Variants in BBX observed in about 807,000 individuals in gnomAD.
The protein encoded by BBX is HMG box transcription factor BBX.
Under a neutral mutation model 100.2 loss-of-function variants are expected in BBX, and 30 were observed. That is an observed-to-expected ratio of 0.30 (90% confidence interval 0.22 to 0.41). BBX has a LOEUF of 0.41. Ranked by LOEUF, BBX falls within the 10% of genes least tolerant of loss-of-function variation. The probability of loss-of-function intolerance (pLI) is 1.00; values close to 1 mark genes in which losing one functional copy is unlikely to be tolerated. For missense variants in BBX, 1,023 were observed against 1,129.8 expected (o/e 0.91, Z 1.35); for synonymous variants, 376 against 388.1 (o/e 0.97, Z 0.37).
intron 2 of BBX, among the ~76,000 whole-genome samples, chr3:107,529,709 A>G (rs1188377765): frequency 6.6e-6 from 1 of 152,232 alleles, no homozygotes; most frequent in Non-Finnish European, 1.5e-5. Context: ...CTCAATGTTC[A>G]TATGTGATAT....
At chr3:107,751,503 T>C (rs1173835053) in intron 9 of BBX, among the ~76,000 whole-genome samples, 1 of 152,188 alleles carries the variant, frequency 6.6e-6, no homozygotes, top group African/African-American at 2.4e-5. Flanking sequence ...CCTGGTGATT[T>C]CTTTAAGTCG....
intron 5 of BBX, among the ~76,000 whole-genome samples, chr3:107,727,089 A>T (rs754274896): frequency 5.3e-5 from 8 of 151,186 alleles, no homozygotes; most frequent in South Asian, 4.2e-4. Flanking sequence ...AAAATTTTAA[A>T]CTACCCCCCC....
chr3:107,773,486 T>C lies in BBX; in HGVS notation c.1765T>C (p.Ser589Pro). Residue 589 changes from serine to proline, a missense_variant, in exon 11 of 18, where the codon TCA becomes CCA. Coordinates refer to ENST00000325805, the MANE Select transcript of BBX (RefSeq NM_001142568.3). This position sits in a 1 kb window ranked among gnomAD's most constrained non-coding sequence, Gnocchi z 4.1. The part of the protein sequence containing the change: ...PMEDALPPSL[S>P]GQAKPEDSDC... Reference sequence around the variant, plus strand: ...GGAAGATGCACTACCACCCAGCCTATCAGGACAGGCCAAGCCTGAGGACAG... The same window carrying C: ...GGAAGATGCACTACCACCCAGCCTACCAGGACAGGCCAAGCCTGAGGACAG... 1 of 1,614,014 alleles carries C rather than the reference T, an allele frequency of 6.2e-7. No individual in the cohort carries two copies. The highest frequency in any genetic ancestry group is 1.3e-5 in the African/African-American group (1 of 75,014).
intron 2 of BBX, among the ~76,000 whole-genome samples, chr3:107,543,545 A>C (rs2049006085): frequency 6.6e-6 from 1 of 152,252 alleles, no homozygotes; most frequent in African/African-American, 2.4e-5. Context: ...TTAGTGGCAC[A>C]ACATGATTTT....
intron 10 of BBX, among the ~76,000 whole-genome samples, chr3:107,765,351 GA>G (rs2066297976): frequency 6.6e-6 from 1 of 152,138 alleles, no homozygotes; most frequent in South Asian, 2.1e-4. Context: ...AAAATTTAGG[GA>G]AAATAGCTAA....
chr3:107,650,797 A>C (rs2057795261), intron 3 of BBX, among the ~76,000 whole-genome samples: 1 of 152,198 alleles, frequency 6.6e-6, no homozygotes, highest in Non-Finnish European at 1.5e-5. Context: ...TTGCTGTAAC[A>C]CATAAAAAAC....
chr3:107,715,018 T>C (rs1196602847), intron 4 of BBX, among the ~76,000 whole-genome samples: 2 of 152,162 alleles, frequency 1.3e-5, no homozygotes, highest in Non-Finnish European at 2.9e-5. Context: ...TCTCTTGACC[T>C]CATGATCCTC....
chr3:107,583,892 ATATAAAG>A (rs1461423001), intron 2 of BBX, among the ~76,000 whole-genome samples: 43 of 126,346 alleles, frequency 3.4e-4, no homozygotes, highest in Non-Finnish European at 3.9e-4. Flanking sequence ...TATATATTAT[ATATAAAG>A]TATAAAGTAT....
chr3:107,785,803 A>G (rs1254783226), intron 13 of BBX, among the ~76,000 whole-genome samples: 2 of 152,060 alleles, frequency 1.3e-5, no homozygotes, highest in African/African-American at 2.4e-5. Flanking sequence ...CACTTATTCA[A>G]CATTGGACTA....
intron 7 of BBX, among the ~76,000 whole-genome samples, chr3:107,737,884 G>GTTTTTTTTTTTTTTTT (rs1156396951): frequency 1.2e-4 from 6 of 48,898 alleles, no homozygotes; most frequent in Non-Finnish European, 2.1e-4. Context: ...CAGAGTTCCA[G>GTTTTTTTTTTTTTTTT]TTTTTTTTTT....
At chr3:107,536,137 AG>A (rs1455510009) in intron 2 of BBX, among the ~76,000 whole-genome samples, 1 of 152,216 alleles carries the variant, frequency 6.6e-6, no homozygotes, top group Non-Finnish European at 1.5e-5. Context: ...AAGTGATTTA[AG>A]TGTGCTTTTA....
At chr3:107,656,239 C>T (rs995382906) in intron 3 of BBX, among the ~76,000 whole-genome samples, 1 of 152,106 alleles carries the variant, frequency 6.6e-6, no homozygotes, top group African/African-American at 2.4e-5. Context: ...TAATAATTTT[C>T]ATGCACATAA....
chr3:107,749,380 A>T (rs2064883293), intron 9 of BBX, among the ~76,000 whole-genome samples: 1 of 152,226 alleles, frequency 6.6e-6, no homozygotes, highest in Admixed American at 6.5e-5. Flanking sequence ...TTGATGTCTG[A>T]GCCAGTTCTA....
chr3:107,627,169 C>T (rs1327287037), intron 2 of BBX, among the ~76,000 whole-genome samples: 1 of 152,160 alleles, frequency 6.6e-6, no homozygotes, highest in East Asian at 1.9e-4. Context: ...TACTGGCTAC[C>T]ACCTTATCTT....
intron 2 of BBX, among the ~76,000 whole-genome samples, chr3:107,548,065 T>A (rs2049370707): frequency 6.6e-6 from 1 of 152,188 alleles, no homozygotes; most frequent in South Asian, 2.1e-4. Context: ...GTTGGTGTTT[T>A]AAATACTTAC....
intron 1 of BBX, among the ~76,000 whole-genome samples, chr3:107,524,800 G>A (rs1434940086): frequency 1.0e-4 from 14 of 133,494 alleles, no homozygotes; most frequent in Admixed American, 7.1e-5. Context: ...GTGGGGTGGA[G>A]GTGGGGGGGG....
intron 13 of BBX, 130 bp from the exon 14 acceptor site, chr3:107,789,657 A>G: frequency 1.6e-6 from 1 of 625,044 alleles, no homozygotes; most frequent in Non-Finnish European, 2.6e-6. Context: ...TGAAGATGCA[A>G]GATGACATTT....
chr3:107,692,138 G>A (rs1055671901), intron 3 of BBX, among the ~76,000 whole-genome samples: 5 of 150,596 alleles, frequency 3.3e-5, no homozygotes, highest in African/African-American at 4.9e-5. Context: ...TTAGATATCA[G>A]GATGATAGAA....
intron 5 of BBX, among the ~76,000 whole-genome samples, chr3:107,720,374 A>G (rs2062442907): frequency 6.6e-6 from 1 of 151,948 alleles, no homozygotes; most frequent in Non-Finnish European, 1.5e-5. Context: ...TGGGGAGGGA[A>G]GTGGGTGGAA....
Sources: allele counts gnomAD v4.1 joint callset (sites outside exome capture counted in the v4.1 genomes callset), GRCh38; gene constraint gnomAD v4.1.1; non-coding constraint Gnocchi (gnomAD v3.1); transcripts MANE v1.5; gene names NCBI Gene and HGNC (gene_info 2026-07-23, HGNC 2026-07-21).